The following PDE1A variants were observed in gnomAD, a reference collection of about 807,000 sequenced individuals.
PDE1A encodes dual specificity calcium/calmodulin-dependent 3',5'-cyclic nucleotide phosphodiesterase 1A.
Under a neutral mutation model 61.7 loss-of-function variants are expected in PDE1A, and 35 were observed. The observed-to-expected ratio is 0.57, with a 90% CI of 0.43 to 0.75. PDE1A has a LOEUF of 0.75. Among genes scored for constraint, PDE1A ranks in the 30% least tolerant of loss-of-function variants. PDE1A has a pLI of 0.00. For synonymous variants in PDE1A, 232 were observed against 213.2 expected (o/e 1.09, Z -0.77); for missense variants, 597 against 630.6 (o/e 0.95, Z 0.57).
intron 1 of PDE1A, among the ~76,000 whole-genome samples, chr2:182,328,495 T>TAA (rs200681659): frequency 3.3e-5 from 5 of 151,852 alleles, no homozygotes; most frequent in Non-Finnish European, 2.9e-5. Context: ...AGGGACATAG[T>TAA]AAAAAAAAGT....
intron 2 of PDE1A, among the ~76,000 whole-genome samples, chr2:182,467,964 AAAC>A (rs1488547884): frequency 6.6e-6 from 1 of 152,034 alleles, no homozygotes; most frequent in Non-Finnish European, 1.5e-5. Context: ...TATGCCTAAA[AAAC>A]AACATAGATA....
chr2:182,649,971 C>T, the PDE1A span, among the ~76,000 whole-genome samples: 17 of 151,962 alleles, frequency 1.1e-4, no homozygotes, highest in African/African-American at 3.4e-4. Context: ...CTCAGCTACT[C>T]GGAAGGTTGA....
At chr2:182,529,623 G>C in the PDE1A span, among the ~76,000 whole-genome samples, 1 of 152,298 alleles carries the variant, frequency 6.6e-6, no homozygotes, top group Non-Finnish European at 1.5e-5. Flanking sequence ...GGAATGATAT[G>C]TGTGTCTCCA....
chr2:182,687,588 C>T, the PDE1A span, among the ~76,000 whole-genome samples: 1 of 152,158 alleles, frequency 6.6e-6, no homozygotes, highest in Non-Finnish European at 1.5e-5. Flanking sequence ...GGGGAAAAAA[C>T]AGAACAGAAA....
At chr2:182,435,050 T>G (rs1704141453) in intron 2 of PDE1A, among the ~76,000 whole-genome samples, 1 of 151,920 alleles carries the variant, frequency 6.6e-6, no homozygotes, top group Non-Finnish European at 1.5e-5. Flanking sequence ...TAGGTTAAAG[T>G]TTGATTGGCT....
intron 2 of PDE1A, chr2:182,463,580 G>A (rs1320244348): frequency 6.6e-6 from 1 of 152,176 alleles, no homozygotes; most frequent in Non-Finnish European, 1.5e-5. Flanking sequence ...CGTAAGAAAA[G>A]AGTTGTGGAA....
chr2:182,233,850 C>A (rs1481652532), intron 4 of PDE1A, among the ~76,000 whole-genome samples: 1 of 151,822 alleles, frequency 6.6e-6, no homozygotes, highest in Admixed American at 6.6e-5. Flanking sequence ...ACTTTACTCA[C>A]TTCAGAGTTT....
intron 2 of PDE1A, among the ~76,000 whole-genome samples, chr2:182,514,480 C>T (rs1002753571): frequency 2.6e-5 from 4 of 152,110 alleles, no homozygotes; most frequent in Non-Finnish European, 5.9e-5. Flanking sequence ...AAAACGGACA[C>T]ATAGACCCAT....
chr2:182,417,417 G>A (rs1233570829), intron 1 of PDE1A, among the ~76,000 whole-genome samples: 1 of 152,170 alleles, frequency 6.6e-6, no homozygotes, highest in Non-Finnish European at 1.5e-5. Flanking sequence ...TTTTGATATA[G>A]TAGGTCTGAA....
At chr2:182,588,249 C>T in the PDE1A span, among the ~76,000 whole-genome samples, 5 of 152,144 alleles carry the variant, frequency 3.3e-5, no homozygotes, top group South Asian at 4.1e-4. Context: ...CAGAGTTGAG[C>T]TTCTCTCTCC....
At chr2:182,633,827 T>C in the PDE1A span, among the ~76,000 whole-genome samples, 1 of 152,108 alleles carries the variant, frequency 6.6e-6, no homozygotes, top group Admixed American at 6.5e-5. Context: ...CTCATGACAG[T>C]AATCCCAGCA....
chr2:182,190,022 C>A (rs115751002), intron 10 of PDE1A, among the ~76,000 whole-genome samples: 4 of 152,212 alleles, frequency 2.6e-5, no homozygotes, highest in Non-Finnish European at 5.9e-5. Flanking sequence ...AAGGACTCCA[C>A]GGTTTCCTTT....
chr2:182,538,608 T>C, the PDE1A span, among the ~76,000 whole-genome samples: 1 of 152,176 alleles, frequency 6.6e-6, no homozygotes, highest in African/African-American at 2.4e-5. Context: ...CTTTTAATTA[T>C]AAAATTATGT....
chr2:182,356,126 T>G (rs1346520031), intron 1 of PDE1A, among the ~76,000 whole-genome samples: 1 of 152,174 alleles, frequency 6.6e-6, no homozygotes, highest in Non-Finnish European at 1.5e-5. Context: ...AAAGATGTTT[T>G]GCAATGTTAC....
the PDE1A span, among the ~76,000 whole-genome samples, chr2:182,643,062 T>C: frequency 1.9e-3 from 285 of 152,314 alleles, no homozygotes; most frequent in Non-Finnish European, 3.1e-3. Context: ...GAATATTCCC[T>C]GTCTAGTGCA....
rs527884192 is a variant in PDE1A at position 182,437,549 on chromosome 2, G to A, written c.101+84727C>T. 2.6e-5 allele frequency among the ~76,000 whole-genome samples: 4 copies of A among 152,024 alleles called. No homozygotes were observed. In the East Asian group the frequency reaches 7.7e-4, roughly 29 times the overall value. ...ACAGAGCACATATGTACCAGGCACT[G>A]CTGAGGATTCTACAGAACCTATTAC... is the stretch of plus-strand genomic sequence containing the variant. On this transcript the variant is annotated intron_variant, in intron 2 of 14. Coordinates refer to the PDE1A transcript ENST00000410103.
chr2:182,479,234 T>A (rs535590951), intron 2 of PDE1A, among the ~76,000 whole-genome samples: 1 of 151,894 alleles, frequency 6.6e-6, no homozygotes, highest in African/African-American at 2.4e-5. Context: ...TTTACTTCTA[T>A]AAAAATCAGC....
chr2:182,597,753 AATGACGC>A, the PDE1A span, among the ~76,000 whole-genome samples: 2 of 152,362 alleles, frequency 1.3e-5, no homozygotes, highest in East Asian at 3.9e-4. Context: ...CCCCAGGGAA[AATGACGC>A]AACCTTCAAT....
chr2:182,627,030 A>T, the PDE1A span, among the ~76,000 whole-genome samples: 39 of 25,582 alleles, frequency 1.5e-3, 1 homozygote, highest in Admixed American at 2.2e-3. Context: ...TATAAAATAT[A>T]AATATATATA....
Sources: allele counts gnomAD v4.1 joint callset (sites outside exome capture counted in the v4.1 genomes callset), GRCh38; gene constraint gnomAD v4.1.1; transcripts MANE v1.5; gene names NCBI Gene and HGNC (gene_info 2026-07-23, HGNC 2026-07-21).